GRM3: variants seen among roughly 807,000 people sequenced by gnomAD.
GRM3 encodes metabotropic glutamate receptor 3.
A neutral mutation model predicts 70.5 loss-of-function variants in GRM3; 26 were observed. That is an observed-to-expected ratio of 0.37 (90% CI 0.27 to 0.51). GRM3 has a LOEUF of 0.51. Among genes scored for constraint, GRM3 ranks in the 20% least tolerant of loss-of-function variants. The pLI is 0.93. For synonymous variants in GRM3, 443 were observed against 434.9 expected (o/e 1.02, Z -0.23); for missense variants, 859 against 1,123.8 (o/e 0.76, Z 3.37).
intron 1 of GRM3, among the ~76,000 whole-genome samples, chr7:86,666,928 A>T (rs993874383): frequency 2.0e-5 from 3 of 152,102 alleles, no homozygotes; most frequent in African/African-American, 7.2e-5. Context: ...GTATAACTTA[A>T]CTACCCAGAA....
At chr7:86,750,656 C>A (rs1796208684) in intron 1 of GRM3, among the ~76,000 whole-genome samples, 1 of 150,536 alleles carries the variant, frequency 6.6e-6, no homozygotes, top group Admixed American at 6.6e-5. Context: ...GTGAAGAATA[C>A]AAGTTTAGAG....
chr7:86,653,708 TAGAA>T (rs1249156196), intron 1 of GRM3, among the ~76,000 whole-genome samples: 13 of 151,886 alleles, frequency 8.6e-5, no homozygotes, highest in South Asian at 4.1e-4. Flanking sequence ...ATTAATATAT[TAGAA>T]AGAGAAGTTA....
chr7:86,800,989 A>C (rs1472907975), intron 3 of GRM3, among the ~76,000 whole-genome samples: 1 of 151,372 alleles, frequency 6.6e-6, no homozygotes, highest in Non-Finnish European at 1.5e-5. Context: ...ACAAGATTAT[A>C]CTTTCTACCC....
chr7:86,857,056 C>T lies in GRM3; in HGVS notation c.2566+6512C>T, dbSNP rs527388785. The stretch of plus-strand genomic sequence containing the variant: ...GTTCCTCTGGCCTCCCTGAATTTGC[C>T]GCCTCAGCTCAGTTACAAAATTCAG... On this transcript the variant is annotated intron_variant, in intron 5 of 5. Transcript: ENST00000361669. Among the ~76,000 whole-genome samples the T allele has an allele frequency of 3.1e-4, 47 of 151,958 alleles. No homozygotes were observed. The South Asian group carries it at 6.7e-3, about 22-fold the overall frequency.
At chr7:86,737,382 T>G (rs950590846) in intron 1 of GRM3, among the ~76,000 whole-genome samples, 1 of 152,202 alleles carries the variant, frequency 6.6e-6, no homozygotes, top group African/African-American at 2.4e-5. Context: ...GTTACAGAAG[T>G]AGGCTCTGAC....
At chr7:86,673,656 C>T (rs1426644109) in intron 1 of GRM3, among the ~76,000 whole-genome samples, 1 of 151,852 alleles carries the variant, frequency 6.6e-6, no homozygotes, top group Non-Finnish European at 1.5e-5. Context: ...ATTCCTTAAT[C>T]CCTATCTCCT....
intron 1 of GRM3, among the ~76,000 whole-genome samples, chr7:86,729,974 G>A (rs531873365): frequency 6.6e-6 from 1 of 152,014 alleles, no homozygotes; most frequent in South Asian, 2.1e-4. Context: ...GGGCGTGGTG[G>A]CAGGTGCCTG....
chr7:86,683,200 A>T (rs117970141), intron 1 of GRM3, among the ~76,000 whole-genome samples: 6 of 152,164 alleles, frequency 3.9e-5, no homozygotes, highest in Admixed American at 2.0e-4. Flanking sequence ...ACAGAACTTC[A>T]TGACTGAGTA....
Position 86,786,452 on chromosome 7 carries a change from T to C in GRM3, c.660T>C (p.Gly220=), listed in dbSNP as rs909375370. The C allele has an allele frequency of 6.2e-7, 1 of 1,614,178 alleles. No individual in the cohort carries two copies. Among genetic ancestry groups the C allele is most frequent in the Non-Finnish European group, 8.5e-7 (1 of 1,180,034 alleles). Residue 220 remains glycine, a synonymous_variant, in exon 3 of 6, where the codon GGT becomes GGC. Transcript: ENST00000361669. This position sits in a 1 kb window ranked among gnomAD's most constrained non-coding sequence, Gnocchi z 6.0. The part of the protein sequence containing the change: ...WTYVSTVASE[G]DYGETGIEAF... The stretch of plus-strand genomic sequence containing the variant: ...ACGTGTCCACAGTAGCCTCCGAGGG[T>C]GATTACGGGGAGACAGGGATCGAGG...
intron 5 of GRM3, 144 bp downstream of exon 5, chr7:86,850,688 G>T: frequency 1.5e-6 from 1 of 657,024 alleles, no homozygotes; most frequent in Non-Finnish European, 2.7e-6. Context: ...TGTGAGTCAG[G>T]TATTGTGCTA....
rs1176038287 is a variant in GRM3 at position 86,651,274 on chromosome 7, A to C, written c.-141+6402A>C. ...CTTTCTCTGATTTGTGATATGTGCT[A>C]GAGTAATTAATGGACATAAAAAAGG... On this transcript the variant is annotated intron_variant, in intron 1 of 5. Transcript: ENST00000361669. 2.0e-5 allele frequency among the ~76,000 whole-genome samples: 3 copies of C among 152,226 alleles called. No homozygotes were observed. The South Asian group carries it at 6.2e-4, about 32-fold the overall frequency.
intron 1 of GRM3, among the ~76,000 whole-genome samples, chr7:86,678,998 A>G (rs1446817261): frequency 6.6e-6 from 1 of 152,074 alleles, no homozygotes. Context: ...TTTTATCACT[A>G]TGGTCAAGAT....
chr7:86,772,997 G>A (rs563483637), intron 2 of GRM3, among the ~76,000 whole-genome samples: 102 of 151,178 alleles, frequency 6.7e-4, no homozygotes, highest in South Asian at 5.9e-3. Context: ...TTTTTTTTAC[G>A]ATTTCAACGT....
intron 1 of GRM3, among the ~76,000 whole-genome samples, chr7:86,701,822 T>C (rs184591473): frequency 1.3e-5 from 2 of 152,088 alleles, no homozygotes. Flanking sequence ...GCAAGTATCA[T>C]TCATTTTATG....
At chr7:86,684,972 A>C (rs1794529444) in intron 1 of GRM3, among the ~76,000 whole-genome samples, 1 of 152,208 alleles carries the variant, frequency 6.6e-6, no homozygotes, top group South Asian at 2.1e-4. Flanking sequence ...AGTAACTGAG[A>C]AAAAGGAAGC....
At chr7:86,744,191 G>A (rs1796051150) in intron 1 of GRM3, among the ~76,000 whole-genome samples, 1 of 152,018 alleles carries the variant, frequency 6.6e-6, no homozygotes, top group Admixed American at 6.6e-5. Flanking sequence ...TCCCCTCTGG[G>A]AGGATACTTA....
chr7:86,675,623 G>A (rs368091643), intron 1 of GRM3, among the ~76,000 whole-genome samples: 2 of 152,052 alleles, frequency 1.3e-5, no homozygotes, highest in East Asian at 3.9e-4. Context: ...TGAAAGCAAT[G>A]CTCTGAAACC....
At chr7:86,648,793 G>A (rs1266920360) in intron 1 of GRM3, among the ~76,000 whole-genome samples, 3 of 151,844 alleles carry the variant, frequency 2.0e-5, no homozygotes, top group South Asian at 2.1e-4. Context: ...CAAGACATCC[G>A]TGTGTAGGCT....
intron 3 of GRM3, among the ~76,000 whole-genome samples, chr7:86,825,039 T>C (rs1383526232): frequency 1.3e-5 from 2 of 152,204 alleles, no homozygotes; most frequent in Non-Finnish European, 2.9e-5. Flanking sequence ...TAGTTCAAAA[T>C]AGAAATTATG....
Sources: gnomAD v4.1 joint callset for allele counts (sites outside exome capture counted in the v4.1 genomes callset) on GRCh38, gnomAD v4.1.1 for gene constraint, Gnocchi (gnomAD v3.1) non-coding constraint, MANE v1.5 for transcripts, NCBI Gene and HGNC (gene_info 2026-07-23, HGNC 2026-07-21) for gene names.